The following RARB variants were observed in gnomAD, a reference collection of about 807,000 sequenced individuals.
The protein encoded by RARB is retinoic acid receptor beta, also known as HBV-activated protein.
A neutral mutation model predicts 51.9 loss-of-function variants in RARB; 17 were observed. The ratio of observed to expected loss-of-function variants is 0.33; its 90% CI spans 0.22 to 0.49. The LOEUF (loss-of-function observed/expected upper bound fraction) is 0.49, where lower values mean the gene tolerates loss of function less well. RARB is among the 20% of genes least tolerant of loss of function. The pLI, the probability that RARB is intolerant of heterozygous loss-of-function variation, is 0.99. For missense variants in RARB, 369 were observed against 550.8 expected, an observed-to-expected ratio of 0.67 and a Z score of 3.30; for synonymous variants, 215 against 195.4, an observed-to-expected ratio of 1.10 and a Z score of -0.84.
At chr3:25,029,138 G>C (rs1697816054) in intron 2 of RARB, among the ~76,000 whole-genome samples, 4 of 152,158 alleles carry the variant, frequency 2.6e-5, no homozygotes, top group East Asian at 1.9e-4. Context: ...TTTTTAATCA[G>C]ATGGCATTGG....
intron 5 of RARB, among the ~76,000 whole-genome samples, chr3:25,379,979 G>A (rs1169539681): frequency 6.6e-6 from 1 of 152,194 alleles, no homozygotes; most frequent in Non-Finnish European, 1.5e-5. Flanking sequence ...CTGAAAGACT[G>A]CAGAAAGAAT....
At chr3:25,588,357 G>T (rs1278052603) in intron 5 of RARB, among the ~76,000 whole-genome samples, 1 of 152,182 alleles carries the variant, frequency 6.6e-6, no homozygotes. Context: ...TGAGGAAGAG[G>T]TTTGATTAGG....
At chr3:25,325,741 T>C (rs1246922659) in intron 5 of RARB, among the ~76,000 whole-genome samples, 1 of 143,440 alleles carries the variant, frequency 7.0e-6, no homozygotes, top group Non-Finnish European at 1.5e-5. Flanking sequence ...TTCCTGGTCA[T>C]GGCCACTTGT....
intron 2 of RARB, among the ~76,000 whole-genome samples, chr3:25,037,454 A>G (rs559706969): frequency 6.6e-6 from 1 of 152,130 alleles, no homozygotes; most frequent in Non-Finnish European, 1.5e-5. Context: ...CACTGCAATG[A>G]GAGATAAAAC....
chr3:25,215,920 T>C (rs1399135297), intron 5 of RARB, among the ~76,000 whole-genome samples: 4 of 152,204 alleles, frequency 2.6e-5, no homozygotes, highest in Non-Finnish European at 4.4e-5. Context: ...ACTGGCACTT[T>C]ACAGGGGAAG....
At chr3:25,230,349 C>T (rs1328911387) in intron 5 of RARB, among the ~76,000 whole-genome samples, 1 of 151,990 alleles carries the variant, frequency 6.6e-6, no homozygotes, top group Non-Finnish European at 1.5e-5. Flanking sequence ...CTGTTCTTTC[C>T]CCCATTTCAT....
At chr3:25,151,432 G>C (rs899388360) in intron 4 of RARB, among the ~76,000 whole-genome samples, 1 of 152,206 alleles carries the variant, frequency 6.6e-6, no homozygotes, top group African/African-American at 2.4e-5. Flanking sequence ...AAGTTTCACT[G>C]TACCAGGAAG....
At chr3:24,884,492 T>C (rs1292330187) in intron 2 of RARB, among the ~76,000 whole-genome samples, 1 of 145,064 alleles carries the variant, frequency 6.9e-6, no homozygotes, top group East Asian at 1.9e-4. Flanking sequence ...ATAGCACAGA[T>C]TTTTTTCCCC....
chr3:24,905,963 C>T (rs1042521803), intron 2 of RARB, among the ~76,000 whole-genome samples: 1 of 152,218 alleles, frequency 6.6e-6, no homozygotes, highest in African/African-American at 2.4e-5. Context: ...AGACAGTGAA[C>T]TCTTTGATAT....
chr3:25,238,530 G>A (rs1241864671), intron 5 of RARB, among the ~76,000 whole-genome samples: 1 of 152,128 alleles, frequency 6.6e-6, no homozygotes, highest in Non-Finnish European at 1.5e-5. Flanking sequence ...ACCCAGGAAT[G>A]GAATTGCTGG....
At chr3:25,330,733 G>C (rs1016005275) in intron 5 of RARB, among the ~76,000 whole-genome samples, 1 of 152,134 alleles carries the variant, frequency 6.6e-6, no homozygotes, top group Non-Finnish European at 1.5e-5. Flanking sequence ...TGGATAAAGA[G>C]TCAAGACCCA....
chr3:25,580,431 A>AT, intron 4 of RARB, 115 bp from the exon 5 acceptor site: 3 of 1,016,346 alleles, frequency 3.0e-6, no homozygotes, highest in Non-Finnish European at 4.2e-6. Context: ...CCCACCAACA[A>AT]CCTGCCTGCT....
At chr3:24,864,884 G>T (rs951246717) in intron 2 of RARB, among the ~76,000 whole-genome samples, 1 of 152,130 alleles carries the variant, frequency 6.6e-6, no homozygotes, top group Non-Finnish European at 1.5e-5. Flanking sequence ...TAAAGTTTTT[G>T]ATTCAAGTTA....
intron 3 of RARB, among the ~76,000 whole-genome samples, chr3:25,562,919 A>G (rs1700330990): frequency 1.3e-5 from 2 of 152,242 alleles, no homozygotes; most frequent in Non-Finnish European, 2.9e-5. Flanking sequence ...TTAGCATAAC[A>G]TACCACTTTA....
chr3:25,048,051 C>A (rs978096920), intron 2 of RARB, among the ~76,000 whole-genome samples: 1 of 152,158 alleles, frequency 6.6e-6, no homozygotes, highest in African/African-American at 2.4e-5. Context: ...TGTGCCTTTG[C>A]TTCTTTTTTG....
At chr3:24,918,080 A>T in intron 2 of RARB, among the ~76,000 whole-genome samples, 1 of 152,244 alleles carries the variant, frequency 6.6e-6, no homozygotes, top group East Asian at 1.9e-4. Flanking sequence ...ACATACATCC[A>T]CACAAAGGCC....
At chr3:25,280,426 G>T (rs1358873685) in intron 5 of RARB, among the ~76,000 whole-genome samples, 1 of 152,072 alleles carries the variant, frequency 6.6e-6, no homozygotes, top group African/African-American at 2.4e-5. Flanking sequence ...CCATAATTTG[G>T]GGTAGCATGT....
chr3:24,983,500 C>A (rs1429356404), intron 2 of RARB, among the ~76,000 whole-genome samples: 5 of 152,108 alleles, frequency 3.3e-5, no homozygotes, highest in Admixed American at 2.0e-4. Flanking sequence ...GCCCTACATG[C>A]ATTAGTATTT....
intron 5 of RARB, among the ~76,000 whole-genome samples, chr3:25,183,450 T>C (rs2125358752): frequency 6.6e-6 from 1 of 152,296 alleles, no homozygotes; most frequent in East Asian, 1.9e-4. Context: ...CATGTTCTCT[T>C]TAATATTCAT....
Sources: allele counts gnomAD v4.1 joint callset (sites outside exome capture counted in the v4.1 genomes callset), GRCh38; gene constraint gnomAD v4.1.1; transcripts MANE v1.5; gene names NCBI Gene and HGNC (gene_info 2026-07-23, HGNC 2026-07-21).